The following EDEM2 variants were observed in gnomAD, a reference collection of about 807,000 sequenced individuals.
The protein encoded by EDEM2 is ER degradation enhancing alpha-mannosidase like protein 2, also known as ER degradation-enhancing alpha-mannosidase-like protein 2.
A neutral mutation model predicts 64.8 loss-of-function variants in EDEM2; 39 were observed. That is an observed-to-expected ratio of 0.60 (90% CI 0.47 to 0.79). The LOEUF (loss-of-function observed/expected upper bound fraction) is 0.79. Among genes scored for constraint, EDEM2 ranks in the 30% least tolerant of loss-of-function variants. The pLI is 0.00. For synonymous variants in EDEM2, 296 were observed against 291.5 expected, an observed-to-expected ratio of 1.02 and a Z score of -0.16; for missense variants, 609 against 731.3, an observed-to-expected ratio of 0.83 and a Z score of 1.93.
At chr20:35,138,646 T>G (rs550594770) in intron 4 of EDEM2, among the ~76,000 whole-genome samples, 4 of 151,810 alleles carry the variant, frequency 2.6e-5, no homozygotes, top group South Asian at 4.2e-4. Context: ...GTGGCGCGAT[T>G]TCGGCTCACT....
At chr20:35,129,457 G>A (rs2085479533) in intron 7 of EDEM2, among the ~76,000 whole-genome samples, 1 of 150,910 alleles carries the variant, frequency 6.6e-6, no homozygotes, top group South Asian at 2.1e-4. Flanking sequence ...TGTAATCCCA[G>A]CTACTCAGGA....
chr20:35,147,318 T>G lies in EDEM2; in HGVS notation c.-60A>C, dbSNP rs1368510530. 2.1e-6 allele frequency: 3 copies of G among 1,406,482 alleles called. No homozygotes were observed. Among genetic ancestry groups the G allele is most frequent in the Non-Finnish European group, 2.8e-6 (3 of 1,074,892 alleles). 87.1% of individuals were successfully genotyped at this position (1,406,482 alleles called of 1,614,324 possible). A position where few individuals can be genotyped will look rare whatever the true frequency, so the allele number is the denominator to read the frequency against. On this transcript the variant is annotated 5_prime_UTR_variant, in exon 1 of 11. Transcript: ENST00000374492. ...AGCAGCCACTGCAACCAGTTCATCC[T>G]GGGAGCTGCTGCGGGTTCTTCCGGG...
chr20:35,135,047 C>T, intron 5 of EDEM2, 98 bp from the exon 6 acceptor site: 1 of 1,201,260 alleles, frequency 8.3e-7, no homozygotes, highest in Non-Finnish European at 1.2e-6. Context: ...GCACTTCCCT[C>T]TTTCTCCTGG....
At chr20:35,147,059 C>A in intron 1 of EDEM2, 93 bp downstream of exon 1, 1 of 1,541,842 alleles carries the variant, frequency 6.5e-7, no homozygotes, top group South Asian at 1.2e-5. Context: ...GCGGCTGTGT[C>A]GGAGCAAGTC....
intron 6 of EDEM2, chr20:35,134,142 A>G: frequency 2.2e-6 from 1 of 456,224 alleles, no homozygotes; most frequent in Non-Finnish European, 4.4e-6. Context: ...TTCAATTTCC[A>G]TGGGTTAATA....
chr20:35,118,540 G>T, intron 10 of EDEM2, 58 bp downstream of exon 10: 3 of 1,610,724 alleles, frequency 1.9e-6, no homozygotes, highest in Non-Finnish European at 2.5e-6. Flanking sequence ...CCCTTAAAGA[G>T]GCTTTTTAGC....
chr20:35,142,973 G>T (rs2085678522), intron 3 of EDEM2, among the ~76,000 whole-genome samples: 1 of 152,136 alleles, frequency 6.6e-6, no homozygotes, highest in African/African-American at 2.4e-5. Context: ...GATCAGGCTG[G>T]TCTCAAACTC....
intron 4 of EDEM2, among the ~76,000 whole-genome samples, chr20:35,138,620 C>T (rs2146109819): frequency 6.6e-6 from 1 of 150,936 alleles, no homozygotes; most frequent in African/African-American, 2.4e-5. Flanking sequence ...CGCTCTGTCA[C>T]CTAGGCTGGA....
intron 2 of EDEM2, among the ~76,000 whole-genome samples, chr20:35,145,464 A>G (rs950112777): frequency 1.3e-4 from 20 of 152,224 alleles, no homozygotes; most frequent in African/African-American, 4.8e-4. Flanking sequence ...AAACAGTGCA[A>G]AACTATGAGT....
intron 7 of EDEM2, among the ~76,000 whole-genome samples, chr20:35,128,263 A>G (rs1024368038): frequency 6.6e-5 from 10 of 151,408 alleles, no homozygotes; most frequent in South Asian, 4.2e-4. Context: ...GGCGCCTGTA[A>G]TCCCAGCTAC....
At chr20:35,126,613 T>C (rs956745230) in intron 7 of EDEM2, among the ~76,000 whole-genome samples, 3 of 152,088 alleles carry the variant, frequency 2.0e-5, no homozygotes, top group Non-Finnish European at 4.4e-5. Context: ...CTCAGCCTTA[T>C]GATCTATAAA....
chr20:35,145,093 T>C, intron 2 of EDEM2, 75 bp from the exon 3 acceptor site: 2 of 1,517,262 alleles, frequency 1.3e-6, no homozygotes, highest in Non-Finnish European at 1.8e-6. Context: ...CTAGATCTGA[T>C]CCCCCTAAAA....
chr20:35,126,773 G>A (rs1179834679), intron 7 of EDEM2, among the ~76,000 whole-genome samples: 1 of 152,134 alleles, frequency 6.6e-6, no homozygotes, highest in African/African-American at 2.4e-5. Flanking sequence ...TTAGCCAGGT[G>A]TGGTGGTGCA....
At chr20:35,134,133 T>C (rs2085542874) in intron 6 of EDEM2, 2 of 456,164 alleles carry the variant, frequency 4.4e-6, no homozygotes, top group Non-Finnish European at 8.8e-6. Flanking sequence ...CAAAGTGTGT[T>C]CAATTTCCAT....
chr20:35,124,090 C>A (rs1467282127), intron 8 of EDEM2, 56 bp from the exon 9 acceptor site: 6 of 1,576,930 alleles, frequency 3.8e-6, no homozygotes, highest in Non-Finnish European at 5.2e-6. Context: ...ACCCCACAGA[C>A]AACCTTAAGA....
chr20:35,125,410 A>C (rs1311475399), intron 8 of EDEM2, among the ~76,000 whole-genome samples: 1 of 150,990 alleles, frequency 6.6e-6, no homozygotes, highest in East Asian at 1.9e-4. Flanking sequence ...TTTGAGACGG[A>C]GTCTTGCTCT....
At chr20:35,141,748 T>C (rs1204792008) in intron 4 of EDEM2, among the ~76,000 whole-genome samples, 4 of 152,166 alleles carry the variant, frequency 2.6e-5, no homozygotes, top group African/African-American at 9.7e-5. Context: ...TCCAATTCAT[T>C]AGGTTTAGGG....
rs2085480431 is a variant in EDEM2 at position 35,129,540 on chromosome 20, C to T, written c.844+2102G>A. On this transcript the variant is annotated intron_variant, in intron 7 of 10. Transcript: ENST00000374492. ...AAACCAAGATCATGCCACTGCACTC[C>T]AGCCTGGGCAACAGAGCAAGACTCT... Among the ~76,000 whole-genome samples the T allele has an allele frequency of 2.0e-5, 3 of 149,522 alleles. No individual in the cohort carries two copies. The South Asian group carries it at 6.4e-4, about 32-fold the overall frequency.
At chr20:35,124,534 T>C (rs140053911) in intron 8 of EDEM2, among the ~76,000 whole-genome samples, 122 of 151,974 alleles carry the variant, frequency 8.0e-4, no homozygotes, top group East Asian at 4.5e-3. Context: ...CCAGTGCTAA[T>C]TTTTTTATTT....
Sources: gnomAD v4.1 joint callset for allele counts (sites outside exome capture counted in the v4.1 genomes callset) on GRCh38, gnomAD v4.1.1 for gene constraint, MANE v1.5 for transcripts, NCBI Gene and HGNC (gene_info 2026-07-23, HGNC 2026-07-21) for gene names.